The following COLQ variants were observed in gnomAD, a reference collection of about 807,000 sequenced individuals.
COLQ encodes the protein acetylcholinesterase collagenic tail peptide.
Under a neutral mutation model 69.0 loss-of-function variants are expected in COLQ, and 48 were observed. The ratio of observed to expected loss-of-function variants is 0.70; its 90% confidence interval spans 0.55 to 0.88. The LOEUF is 0.88. Among genes scored for constraint, COLQ ranks in the 40% least tolerant of loss-of-function variants. The probability of loss-of-function intolerance (pLI) is 0.00; values close to 1 mark genes in which losing one functional copy is unlikely to be tolerated. For missense variants in COLQ, 618 were observed against 594.6 expected (o/e 1.04, Z -0.41); for synonymous variants, 217 against 211.2 (o/e 1.03, Z -0.24).
chr3:15,515,540 T>A (rs1213675870), intron 1 of COLQ, among the ~76,000 whole-genome samples: 1 of 152,218 alleles, frequency 6.6e-6, no homozygotes, highest in African/African-American at 2.4e-5. Context: ...CCAGGGGCAG[T>A]GGCTCATGCC....
At chr3:15,451,969 G>C (rs1399929606) in intron 16 of COLQ, among the ~76,000 whole-genome samples, 1 of 152,166 alleles carries the variant, frequency 6.6e-6, no homozygotes, top group Non-Finnish European at 1.5e-5. Flanking sequence ...CCCTTGCTAC[G>C]ATGCAGCCTA....
chr3:15,517,351 T>C (rs1348995453), intron 1 of COLQ, among the ~76,000 whole-genome samples: 1 of 152,202 alleles, frequency 6.6e-6, no homozygotes, highest in Non-Finnish European at 1.5e-5. Context: ...TCACTTAACC[T>C]TTCTGAGCTG....
intron 1 of COLQ, chr3:15,498,863 G>A (rs1192591420): frequency 2.4e-5 from 33 of 1,388,970 alleles, no homozygotes; most frequent in Non-Finnish European, 1.8e-5. Flanking sequence ...TTCAGCCCAG[G>A]GGAGGATATG....
intron 1 of COLQ, among the ~76,000 whole-genome samples, chr3:15,519,033 T>C (rs763200360): frequency 1.6e-4 from 24 of 152,200 alleles, no homozygotes; most frequent in Non-Finnish European, 3.2e-4. Flanking sequence ...AAGGAACAGC[T>C]TCCATTTTTT....
intron 12 of COLQ, 56 bp from the exon 13 acceptor site, chr3:15,458,381 C>G (rs1027571824): frequency 2.4e-5 from 39 of 1,605,682 alleles, no homozygotes; most frequent in Admixed American, 1.3e-4. Context: ...GACCAAACAA[C>G]CAGGGAGATG....
intron 10 of COLQ, among the ~76,000 whole-genome samples, chr3:15,472,395 T>G (rs2062302714): frequency 6.6e-6 from 1 of 152,244 alleles, no homozygotes; most frequent in African/African-American, 2.4e-5. Context: ...AATAAATTAA[T>G]GCATGTTGAT....
At position 15,453,894 on chromosome 3, in the gene COLQ, A is replaced by T. The variant is rs773394999; in HGVS notation, c.1233T>A (p.His411Gln). ...HRAYCGDGHR[H>Q]EGVEDCDGSD... is the part of the protein sequence containing the mutation. ...AGCCGTCACAGTCCTCCACACCCTCATGCCGGTGACCATCTCCACAGTAGG... is the reference window on the plus strand; with the variant it reads ...AGCCGTCACAGTCCTCCACACCCTCTTGCCGGTGACCATCTCCACAGTAGG... Residue 411 changes from histidine to glutamine, a missense_variant, in exon 16 of 17, where the codon CAT becomes CAA. By Grantham distance (24) the His-to-Gln change is conservative. Transcript: ENST00000383788. 1.2e-6 allele frequency: 2 copies of T among 1,611,732 alleles called. No homozygotes were observed. The highest frequency in any genetic ancestry group is 3.3e-5 in the Admixed American group (2 of 59,860).
chr3:15,479,010 A>T lies in COLQ; in HGVS notation c.367-7T>A, dbSNP rs1384003539. The T allele has an allele frequency of 6.2e-7, 1 of 1,614,182 alleles. No homozygotes were observed. Among genetic ancestry groups the T allele is most frequent in the South Asian group, 1.1e-5 (1 of 91,078 alleles). On this transcript the variant is annotated splice_region_variant and splice_polypyrimidine_tract_variant and intron_variant, in intron 4 of 16. Coordinates refer to ENST00000383788, the MANE Select transcript of COLQ (RefSeq NM_005677.4). ...CTGGTCGGCCAAGCTCCCCCTATGGATGGAGAAGACAGGTAAGGAGAGGCT... is the reference window on the plus strand; with the variant it reads ...CTGGTCGGCCAAGCTCCCCCTATGGTTGGAGAAGACAGGTAAGGAGAGGCT...
At chr3:15,521,007 G>C (rs1433552434) in intron 1 of COLQ, among the ~76,000 whole-genome samples, 1 of 152,134 alleles carries the variant, frequency 6.6e-6, no homozygotes. Flanking sequence ...CCCCGCCGCT[G>C]TTCACCCCCC....
chr3:15,480,569 T>A (rs1176555074), intron 3 of COLQ, among the ~76,000 whole-genome samples: 2 of 152,240 alleles, frequency 1.3e-5, no homozygotes, highest in Non-Finnish European at 2.9e-5. Context: ...ATTTTCTTAA[T>A]CCAGTCTATC....
intron 2 of COLQ, among the ~76,000 whole-genome samples, chr3:15,489,062 T>G (rs968804365): frequency 1.3e-5 from 2 of 152,174 alleles, no homozygotes; most frequent in African/African-American, 2.4e-5. Context: ...CAAATTCTGC[T>G]CCCTCTCACA....
At chr3:15,464,775 T>C (rs1430680964) in intron 12 of COLQ, among the ~76,000 whole-genome samples, 1 of 152,198 alleles carries the variant, frequency 6.6e-6, no homozygotes, top group Non-Finnish European at 1.5e-5. Flanking sequence ...CAACAAATGA[T>C]CTTCTTGATA....
At chr3:15,467,541 T>C (rs2062217519) in intron 11 of COLQ, among the ~76,000 whole-genome samples, 1 of 152,252 alleles carries the variant, frequency 6.6e-6, no homozygotes, top group South Asian at 2.1e-4. Context: ...TCCTCTTTTC[T>C]GCCTATTCTG....
intron 1 of COLQ, among the ~76,000 whole-genome samples, chr3:15,521,034 C>T (rs1323850721): frequency 1.3e-5 from 2 of 152,166 alleles, no homozygotes; most frequent in Admixed American, 1.3e-4. Flanking sequence ...CCGGCCCCTG[C>T]CACCTGCATT....
At chr3:15,515,164 A>G (rs981763974) in intron 1 of COLQ, among the ~76,000 whole-genome samples, 13 of 152,152 alleles carry the variant, frequency 8.5e-5, no homozygotes, top group Non-Finnish European at 1.8e-4. Flanking sequence ...TGTGGGTGGG[A>G]TATTTTTGTC....
intron 12 of COLQ, among the ~76,000 whole-genome samples, chr3:15,464,551 C>T (rs921996242): frequency 1.3e-5 from 2 of 152,170 alleles, no homozygotes; most frequent in Non-Finnish European, 2.9e-5. Context: ...GTAGGTTGGA[C>T]TCTCAGAGCC....
At chr3:15,504,526 T>C in intron 1 of COLQ, among the ~76,000 whole-genome samples, 1 of 152,110 alleles carries the variant, frequency 6.6e-6, no homozygotes, top group Non-Finnish European at 1.5e-5. Flanking sequence ...TGGCCTTATC[T>C]TAACTTAATC....
chr3:15,505,418 G>C (rs1490387055), intron 1 of COLQ, among the ~76,000 whole-genome samples: 1 of 152,198 alleles, frequency 6.6e-6, no homozygotes, highest in Non-Finnish European at 1.5e-5. Context: ...TGCACACACA[G>C]AGTCAAGGAA....
chr3:15,482,143 A>G (rs1345730583), intron 3 of COLQ, among the ~76,000 whole-genome samples: 9 of 152,224 alleles, frequency 5.9e-5, no homozygotes, highest in Non-Finnish European at 2.9e-5. Flanking sequence ...TAAATATACA[A>G]TCATGTCATC....
Sources: gnomAD v4.1 joint callset for allele counts (sites outside exome capture counted in the v4.1 genomes callset) on GRCh38, gnomAD v4.1.1 for gene constraint, MANE v1.5 for transcripts, NCBI Gene and HGNC (gene_info 2026-07-23, HGNC 2026-07-21) for gene names.